Variants in SYN3 observed in about 807,000 individuals in gnomAD.
SYN3 encodes synapsin III.
SYN3 carries 35 observed loss-of-function variants against 65.8 expected under a neutral mutation model. That is an observed-to-expected ratio of 0.53 (90% CI 0.41 to 0.70). The LOEUF (loss-of-function observed/expected upper bound fraction) is 0.70, where lower values mean the gene tolerates loss of function less well. SYN3 is among the 30% of genes least tolerant of loss of function. The pLI, the probability that SYN3 is intolerant of heterozygous loss-of-function variation, is 0.00. For missense variants in SYN3, 680 were observed against 749.0 expected, an observed-to-expected ratio of 0.91 and a Z score of 1.08; for synonymous variants, 270 against 292.9, an observed-to-expected ratio of 0.92 and a Z score of 0.80.
intron 6 of SYN3, among the ~76,000 whole-genome samples, chr22:32,799,371 T>C (rs1166712385): frequency 6.6e-6 from 1 of 152,190 alleles, no homozygotes; most frequent in Admixed American, 6.5e-5. Flanking sequence ...ACTTTTCAGC[T>C]GGAAAAAAGA....
At chr22:32,928,993 G>A (rs1361184216) in intron 4 of SYN3, among the ~76,000 whole-genome samples, 1 of 152,056 alleles carries the variant, frequency 6.6e-6, no homozygotes. Context: ...AAAAAAAATG[G>A]TTGTATCGGC....
At chr22:32,550,405 C>T (rs2058395702) in intron 7 of SYN3, among the ~76,000 whole-genome samples, 1 of 150,142 alleles carries the variant, frequency 6.7e-6, no homozygotes, top group Non-Finnish European at 1.5e-5. Flanking sequence ...AACTATATAT[C>T]CCTAGCAGAA....
At chr22:32,779,204 A>T in intron 6 of SYN3, among the ~76,000 whole-genome samples, 1 of 152,232 alleles carries the variant, frequency 6.6e-6, no homozygotes, top group South Asian at 2.1e-4. Context: ...TCACGCCTGT[A>T]ATCTCAGCAC....
At chr22:32,831,707 C>T (rs1383140004) in intron 6 of SYN3, among the ~76,000 whole-genome samples, 1 of 152,152 alleles carries the variant, frequency 6.6e-6, no homozygotes, top group Non-Finnish European at 1.5e-5. Flanking sequence ...CACCAGGATC[C>T]ACCTGCCCCT....
At chr22:32,672,858 T>C (rs1245758835) in intron 6 of SYN3, among the ~76,000 whole-genome samples, 1 of 152,150 alleles carries the variant, frequency 6.6e-6, no homozygotes, top group Non-Finnish European at 1.5e-5. Context: ...AATGCAGAAG[T>C]GGCGAGAGAA....
At chr22:32,585,934 ATATGTGTATG>A (rs2059020251) in intron 7 of SYN3, among the ~76,000 whole-genome samples, 2 of 134,442 alleles carry the variant, frequency 1.5e-5, no homozygotes, top group Admixed American at 8.0e-5. Context: ...GTATATACGT[ATATGTGTATG>A]TATACATATA....
chr22:32,874,480 C>T (rs187574650), intron 4 of SYN3, among the ~76,000 whole-genome samples: 4 of 152,274 alleles, frequency 2.6e-5, no homozygotes, highest in Admixed American at 6.5e-5. Context: ...CTTCTGGCAG[C>T]GTCAAAAAGC....
At chr22:32,913,666 T>A (rs1403668441) in intron 4 of SYN3, among the ~76,000 whole-genome samples, 1 of 152,102 alleles carries the variant, frequency 6.6e-6, no homozygotes, top group Non-Finnish European at 1.5e-5. Flanking sequence ...AGTGACACAG[T>A]GTGTGGGGAA....
At chr22:32,711,122 C>T (rs2060959481) in intron 6 of SYN3, among the ~76,000 whole-genome samples, 1 of 152,150 alleles carries the variant, frequency 6.6e-6, no homozygotes, top group South Asian at 2.1e-4. Context: ...ATGGGAATTT[C>T]AGTTTTCAAA....
chr22:32,753,891 G>A (rs557421944), intron 6 of SYN3, among the ~76,000 whole-genome samples: 2 of 152,328 alleles, frequency 1.3e-5, no homozygotes, highest in South Asian at 2.1e-4. Context: ...CGGAGCTCAC[G>A]TGCTTGTGTG....
chr22:32,660,690 A>G (rs2147000620), intron 6 of SYN3, among the ~76,000 whole-genome samples: 1 of 152,258 alleles, frequency 6.6e-6, no homozygotes, highest in Non-Finnish European at 1.5e-5. Flanking sequence ...AATTTGCATC[A>G]TTACTTATTT....
intron 3 of SYN3, among the ~76,000 whole-genome samples, chr22:32,955,149 A>G (rs908615236): frequency 6.6e-6 from 1 of 152,078 alleles, no homozygotes; most frequent in Non-Finnish European, 1.5e-5. Context: ...CTGCACCCCC[A>G]GGTGAGGACC....
At chr22:33,018,617 A>G (rs2053510289) in intron 1 of SYN3, among the ~76,000 whole-genome samples, 1 of 152,220 alleles carries the variant, frequency 6.6e-6, no homozygotes, top group Admixed American at 6.5e-5. Flanking sequence ...GAAAATCATA[A>G]GGATACGTTT....
intron 6 of SYN3, among the ~76,000 whole-genome samples, chr22:32,675,343 C>T (rs1269926646): frequency 6.6e-6 from 1 of 152,164 alleles, no homozygotes; most frequent in East Asian, 1.9e-4. Context: ...AGTGTCTTTT[C>T]AAAACCACCA....
chr22:32,941,507 A>G (rs1052237057), intron 3 of SYN3, among the ~76,000 whole-genome samples: 6 of 152,316 alleles, frequency 3.9e-5, no homozygotes, highest in South Asian at 2.1e-4. Flanking sequence ...TCCAGTCTAC[A>G]GCTCCCAGCA....
At chr22:32,709,670 G>T (rs2060929138) in intron 6 of SYN3, among the ~76,000 whole-genome samples, 1 of 152,024 alleles carries the variant, frequency 6.6e-6, no homozygotes, top group Admixed American at 6.5e-5. Flanking sequence ...CCACCAGTGG[G>T]ATATTTCCAA....
rs546660805 is a variant in SYN3 at position 32,627,718 on chromosome 22, G to A, written c.712-30982C>T. Among the ~76,000 whole-genome samples the A allele has an allele frequency of 2.7e-5, 4 of 149,546 alleles. No individual in the cohort carries two copies. The South Asian group carries it at 8.4e-4, about 31-fold the overall frequency. On this transcript the variant is annotated intron_variant, in intron 6 of 13. Transcript: ENST00000358763. ...TCCAAGACCCCCATACTTATAGAAA[G>A]ATCCAGACTGAACACACACACACAC...
rs1455617825 is a variant in SYN3 at position 32,756,508 on chromosome 22, C to A, written c.711+108407G>T. On this transcript the variant is annotated intron_variant, in intron 6 of 13. Transcript: ENST00000358763. ...GCCATGCATTTTACAACTATACATG[C>A]CGACTGATATAGTTTGGATGTCCCC... Among the ~76,000 whole-genome samples, 3 of 152,176 alleles carry A rather than the reference C, an allele frequency of 2.0e-5. No homozygotes were observed. The East Asian group carries it at 5.8e-4, about 29-fold the overall frequency.
intron 6 of SYN3, among the ~76,000 whole-genome samples, chr22:32,729,173 A>G (rs1413408480): frequency 2.6e-5 from 4 of 152,256 alleles, no homozygotes; most frequent in African/African-American, 4.8e-5. Context: ...ACGATCAGCT[A>G]TACAAGAACA....
Sources: allele counts gnomAD v4.1 joint callset (sites outside exome capture counted in the v4.1 genomes callset), GRCh38; gene constraint gnomAD v4.1.1; transcripts MANE v1.5; gene names NCBI Gene and HGNC (gene_info 2026-07-23, HGNC 2026-07-21).